HECW2: variants seen among roughly 807,000 people sequenced by gnomAD.
HECW2 encodes the protein E3 ubiquitin-protein ligase HECW2.
HECW2 carries 61 observed loss-of-function variants against 175.2 expected under a neutral mutation model. That is an observed-to-expected ratio of 0.35 (90% CI 0.28 to 0.43). The LOEUF is 0.43. Ranked by LOEUF, HECW2 falls within the 20% of genes least tolerant of loss-of-function variation. The probability of loss-of-function intolerance (pLI) is 1.00; values close to 1 mark genes in which losing one functional copy is unlikely to be tolerated. For missense variants in HECW2, 1,524 were observed against 2,000.5 expected, an observed-to-expected ratio of 0.76 and a Z score of 4.54; for synonymous variants, 671 against 731.0, an observed-to-expected ratio of 0.92 and a Z score of 1.32.
At chr2:196,390,364 T>C (rs897431435) in intron 2 of HECW2, among the ~76,000 whole-genome samples, 5 of 152,224 alleles carry the variant, frequency 3.3e-5, no homozygotes, top group Non-Finnish European at 7.3e-5. Context: ...CTTGATAGTT[T>C]AATTATCAGA....
chr2:196,429,131 T>G (rs1363673533), intron 2 of HECW2, among the ~76,000 whole-genome samples: 1 of 152,132 alleles, frequency 6.6e-6, no homozygotes. Context: ...AAAGCAAAGT[T>G]CCCCCAAAGG....
At chr2:196,425,224 G>A in intron 2 of HECW2, among the ~76,000 whole-genome samples, 2 of 26,872 alleles carry the variant, frequency 7.4e-5, no homozygotes, top group African/African-American at 2.2e-4. Context: ...CATACTGCTT[G>A]GAAAAAAAAA....
At position 196,312,247 on chromosome 2, in the gene HECW2, TG is replaced by T. The variant is rs60211792; in HGVS notation, c.2435-4163del. ...TGAATTACAACGTATCAGGGATGGG[TG>T]GGGGGGTGCTATGGGTAGGGTTTTG... On this transcript the variant is annotated intron_variant, in intron 10 of 28. Transcript: ENST00000644978. Among the ~76,000 whole-genome samples, 14 of 87,132 alleles carry T rather than the reference TG, an allele frequency of 1.6e-4. No individual in the cohort carries two copies. The South Asian group carries it at 1.6e-3, about 10-fold the overall frequency. 57.2% of individuals were successfully genotyped at this position (87,132 alleles called of 152,430 possible). A position where few individuals can be genotyped will look rare whatever the true frequency, so the allele number is the denominator to read the frequency against.
At chr2:196,282,727 CTG>C (rs1690233784) in intron 14 of HECW2, among the ~76,000 whole-genome samples, 2 of 152,140 alleles carry the variant, frequency 1.3e-5, no homozygotes, top group African/African-American at 4.8e-5. Context: ...AGAGAATAGA[CTG>C]TAAATATTTC....
intron 2 of HECW2, among the ~76,000 whole-genome samples, chr2:196,389,888 A>G (rs1694456088): frequency 6.6e-6 from 1 of 152,108 alleles, no homozygotes; most frequent in Non-Finnish European, 1.5e-5. Context: ...GGATGAGTGT[A>G]TCCTCTCCCT....
At chr2:196,575,148 A>G (rs1413208395) in intron 1 of HECW2, among the ~76,000 whole-genome samples, 2 of 151,798 alleles carry the variant, frequency 1.3e-5, no homozygotes, top group Non-Finnish European at 2.9e-5. Flanking sequence ...AAAAAATACA[A>G]TTGGCCAACG....
At chr2:196,339,239 C>T (rs1692658755) in intron 3 of HECW2, among the ~76,000 whole-genome samples, 1 of 151,484 alleles carries the variant, frequency 6.6e-6, no homozygotes, top group African/African-American at 2.4e-5. Context: ...GAGACCGAGG[C>T]CACCCCATCT....
At chr2:196,204,576 C>A (rs958384265) in intron 28 of HECW2, among the ~76,000 whole-genome samples, 1 of 152,202 alleles carries the variant, frequency 6.6e-6, no homozygotes, top group Non-Finnish European at 1.5e-5. Flanking sequence ...CAGCCCCACC[C>A]ACAGCTTGAT....
At chr2:196,281,344 A>G (rs949615522) in intron 14 of HECW2, among the ~76,000 whole-genome samples, 1 of 152,140 alleles carries the variant, frequency 6.6e-6, no homozygotes, top group African/African-American at 2.4e-5. Context: ...AGTGCTAAAA[A>G]GCATGTTCTT....
chr2:196,566,822 C>T (rs1400858562), intron 1 of HECW2, among the ~76,000 whole-genome samples: 2 of 149,164 alleles, frequency 1.3e-5, no homozygotes, highest in Non-Finnish European at 3.0e-5. Flanking sequence ...AGAAACTATA[C>T]TTTCTATGTA....
At chr2:196,287,616 C>G (rs1690441754) in intron 14 of HECW2, among the ~76,000 whole-genome samples, 1 of 152,140 alleles carries the variant, frequency 6.6e-6, no homozygotes, top group African/African-American at 2.4e-5. Context: ...TAACAACTTT[C>G]ACGGTTTTGT....
chr2:196,518,371 T>C (rs917063511), intron 1 of HECW2, among the ~76,000 whole-genome samples: 5 of 152,138 alleles, frequency 3.3e-5, no homozygotes, highest in Non-Finnish European at 7.4e-5. Context: ...AAGAATCCCT[T>C]TAGGCCAGGC....
At chr2:196,271,382 C>T (rs1054364811) in intron 16 of HECW2, 93 bp from the exon 17 acceptor site, 1 of 854,542 alleles carries the variant, frequency 1.2e-6, no homozygotes, top group Non-Finnish European at 1.9e-6. Context: ...CCACCGGGTT[C>T]AAGCAATTTT....
At chr2:196,438,196 A>G (rs1474170176) in intron 1 of HECW2, among the ~76,000 whole-genome samples, 1 of 152,218 alleles carries the variant, frequency 6.6e-6, no homozygotes, top group Non-Finnish European at 1.5e-5. Flanking sequence ...GAGCATGGCT[A>G]CTAGGACGAA....
chr2:196,456,120 C>T (rs895321812), intron 1 of HECW2, among the ~76,000 whole-genome samples: 13 of 152,146 alleles, frequency 8.5e-5, no homozygotes, highest in African/African-American at 3.1e-4. Flanking sequence ...CCCTAAATTG[C>T]TAAGCCCCAA....
At chr2:196,375,303 A>C (rs1360312217) in intron 2 of HECW2, among the ~76,000 whole-genome samples, 1 of 152,248 alleles carries the variant, frequency 6.6e-6, no homozygotes, top group Non-Finnish European at 1.5e-5. Flanking sequence ...TAAATCAAAC[A>C]TAAATATTAA....
chr2:196,463,197 G>A, intron 1 of HECW2, among the ~76,000 whole-genome samples: 1 of 152,168 alleles, frequency 6.6e-6, no homozygotes, highest in East Asian at 1.9e-4. Context: ...GAGATTAGGA[G>A]AGAAGCAGCA....
intron 1 of HECW2, among the ~76,000 whole-genome samples, chr2:196,462,122 T>A (rs1378291157): frequency 6.6e-6 from 1 of 152,004 alleles, no homozygotes; most frequent in South Asian, 2.1e-4. Context: ...ATAACATAAT[T>A]TGAATCATAT....
rs556815987 is a variant in HECW2, at chr2:196,433,684, C to T, written c.-35-226G>A. Among the ~76,000 whole-genome samples the T allele has an allele frequency of 2.0e-5, 3 of 152,262 alleles. No homozygotes were observed. The South Asian group carries it at 6.2e-4, about 32-fold the overall frequency. ...AAGGCTGTCACATGCCTGCGACCCT[C>T]GATTTCACTTGGCACAGCTTTCTCC... On this transcript the variant is annotated intron_variant, in intron 1 of 28. Transcript: ENST00000644978.
Sources: gnomAD v4.1 joint callset for allele counts (sites outside exome capture counted in the v4.1 genomes callset) on GRCh38, gnomAD v4.1.1 for gene constraint, MANE v1.5 for transcripts, NCBI Gene and HGNC (gene_info 2026-07-23, HGNC 2026-07-21) for gene names.